The following ADAMTS2 variants were observed in gnomAD, a reference collection of about 807,000 sequenced individuals.
ADAMTS2 encodes A disintegrin and metalloproteinase with thrombospondin motifs 2.
A neutral mutation model predicts 123.0 loss-of-function variants in ADAMTS2; 50 were observed. The ratio of observed to expected loss-of-function variants is 0.41; its 90% confidence interval spans 0.32 to 0.51. The LOEUF (loss-of-function observed/expected upper bound fraction) is 0.51, where lower values mean the gene tolerates loss of function less well. Ranked by LOEUF, ADAMTS2 falls within the 20% of genes least tolerant of loss-of-function variation. The pLI is 0.35. For synonymous variants in ADAMTS2, 678 were observed against 695.4 expected (o/e 0.98, Z 0.39); for missense variants, 1,494 against 1,705.2 (o/e 0.88, Z 2.18).
intron 18 of ADAMTS2, 32 bp downstream of exon 18, chr5:179,125,966 C>T (rs1391494490): frequency 6.2e-7 from 1 of 1,612,872 alleles, no homozygotes. Flanking sequence ...GGCCTGTCTC[C>T]TCTAGTGGGA....
chr5:179,217,430 G>A (rs919443457), intron 3 of ADAMTS2, among the ~76,000 whole-genome samples: 3 of 152,244 alleles, frequency 2.0e-5, no homozygotes, highest in Non-Finnish European at 4.4e-5. Context: ...AGGCTGGGGA[G>A]ATAAATGGCT....
At chr5:179,302,407 A>AT (rs1756553658) in intron 2 of ADAMTS2, among the ~76,000 whole-genome samples, 1 of 137,390 alleles carries the variant, frequency 7.3e-6, no homozygotes, top group African/African-American at 2.7e-5. Flanking sequence ...AAAAAAAAAA[A>AT]GCGGGGGAGT....
At chr5:179,127,812 T>A in intron 17 of ADAMTS2, 147 bp downstream of exon 17, 80 of 812,660 alleles carry the variant, frequency 9.8e-5, no homozygotes, top group Non-Finnish European at 1.2e-4. Flanking sequence ...GGCCCCTCCA[T>A]TGCCGCTAAG....
chr5:179,268,292 G>A (rs760334616), intron 3 of ADAMTS2, among the ~76,000 whole-genome samples: 13 of 152,242 alleles, frequency 8.5e-5, no homozygotes, highest in Non-Finnish European at 1.0e-4. Context: ...TAGTGGAGAT[G>A]TATTCTTGGT....
chr5:179,140,727 C>A (rs535534053), intron 10 of ADAMTS2, among the ~76,000 whole-genome samples: 13 of 150,470 alleles, frequency 8.6e-5, no homozygotes, highest in Admixed American at 2.0e-4. Flanking sequence ...GACCAAACAA[C>A]CAAAAAACAG....
chr5:179,189,525 T>TG lies in ADAMTS2; in HGVS notation c.892-8371_892-8370insC, dbSNP rs1349020727. Among the ~76,000 whole-genome samples the TG allele has an allele frequency of 3.5e-5, 5 of 140,856 alleles. No homozygotes were observed. The highest frequency in any genetic ancestry group is 6.2e-5 in the Non-Finnish European group (4 of 64,818). The allele number at this position is 140,856 out of a possible 152,430, so 92.4% of individuals were successfully genotyped here. A position where few individuals can be genotyped will look rare whatever the true frequency, so the allele number is the denominator to read the frequency against. On this transcript the variant is annotated intron_variant, in intron 4 of 21. Coordinates refer to ENST00000251582, the MANE Select transcript of ADAMTS2 (RefSeq NM_014244.5). This position sits in a 1 kb window ranked among gnomAD's most constrained non-coding sequence, Gnocchi z 4.2. The stretch of plus-strand genomic sequence containing the variant: ...AGTGCGCCTGGTTTTTTTTTTTTTT[T>TG]TTTTTTTTTTTTTAGTAGAGGCAGG...
Position 179,115,152 on chromosome 5 carries a change from G to A in ADAMTS2, c.3179-828C>T, listed in dbSNP as rs1451924736. 6.6e-6 allele frequency among the ~76,000 whole-genome samples: 1 copy of A among 152,032 alleles called. No homozygotes were observed. Among genetic ancestry groups the A allele is most frequent in the Non-Finnish European group, 1.5e-5 (1 of 68,022 alleles). The stretch of plus-strand genomic sequence containing the variant: ...GGTCATCTGTGGTCCAGCTTACATG[G>A]AGAGCCCCGACTCTCCACAGAAGCC... On this transcript the variant is annotated intron_variant, in intron 21 of 21. Transcript: ENST00000251582. The surrounding 1 kb of genome is among the most constrained non-coding windows in gnomAD (Gnocchi z 4.4).
At chr5:179,203,246 G>C (rs188359053) in intron 4 of ADAMTS2, among the ~76,000 whole-genome samples, 1 of 152,216 alleles carries the variant, frequency 6.6e-6, no homozygotes, top group Non-Finnish European at 1.5e-5. Context: ...CCAGGGCACA[G>C]GCTGTGCCAC....
chr5:179,183,264 T>C (rs1426713929), intron 4 of ADAMTS2, among the ~76,000 whole-genome samples: 1 of 152,286 alleles, frequency 6.6e-6, no homozygotes, highest in East Asian at 1.9e-4. Flanking sequence ...TTGTCCACAG[T>C]ATTGCTTTCT....
At chr5:179,168,554 CAGA>C (rs1763755583) in intron 5 of ADAMTS2, among the ~76,000 whole-genome samples, 1 of 152,238 alleles carries the variant, frequency 6.6e-6, no homozygotes, top group African/African-American at 2.4e-5. Flanking sequence ...GTGCCTGTCC[CAGA>C]AGAAGCTCTA....
chr5:179,210,683 G>A (rs1764829010), intron 3 of ADAMTS2, among the ~76,000 whole-genome samples: 1 of 152,216 alleles, frequency 6.6e-6, no homozygotes, highest in African/African-American at 2.4e-5. Flanking sequence ...GGCTGGACAG[G>A]ACAAGGGGAG....
intron 2 of ADAMTS2, among the ~76,000 whole-genome samples, chr5:179,290,666 T>C (rs1756159500): frequency 6.6e-6 from 1 of 152,214 alleles, no homozygotes; most frequent in African/African-American, 2.4e-5. Flanking sequence ...ATTAAAACTT[T>C]AAACACATAA....
chr5:179,265,401 G>A (rs1254294632), intron 3 of ADAMTS2, among the ~76,000 whole-genome samples: 4 of 152,232 alleles, frequency 2.6e-5, no homozygotes, highest in South Asian at 2.1e-4. Flanking sequence ...GAGTTGCTGC[G>A]CACGTGGGGG....
At chr5:179,311,500 C>G (rs1756831591) in intron 2 of ADAMTS2, among the ~76,000 whole-genome samples, 1 of 152,234 alleles carries the variant, frequency 6.6e-6, no homozygotes, top group African/African-American at 2.4e-5. Flanking sequence ...CTTGACCAAA[C>G]TTTAGTCCAG....
Position 179,344,178 on chromosome 5 carries a change from C to A in ADAMTS2, c.140-17G>T, listed in dbSNP as rs776108077. 12 of 1,583,862 alleles carry A rather than the reference C, an allele frequency of 7.6e-6. No individual in the cohort carries two copies. The highest frequency in any genetic ancestry group is 1.1e-5 in the South Asian group (1 of 87,780). ...GGGGCCCGCCTGCAACGGGAAGGGG[C>A]GTTAGATCGGCGGAGACCACGGAGC... On this transcript the variant is annotated splice_polypyrimidine_tract_variant and intron_variant, in intron 1 of 21. Transcript: ENST00000251582.
chr5:179,137,343 G>A (rs1469439132), intron 12 of ADAMTS2, among the ~76,000 whole-genome samples: 2 of 152,234 alleles, frequency 1.3e-5, no homozygotes, highest in African/African-American at 2.4e-5. Context: ...TGCTGAAACC[G>A]GTTGGAGTCA....
At chr5:179,321,895 C>T (rs1468577479) in intron 2 of ADAMTS2, among the ~76,000 whole-genome samples, 1 of 152,140 alleles carries the variant, frequency 6.6e-6, no homozygotes, top group Non-Finnish European at 1.5e-5. Context: ...CTGGAGATCC[C>T]GGCCTCTCCA....
chr5:179,218,846 C>T (rs1250628538), intron 3 of ADAMTS2, among the ~76,000 whole-genome samples: 1 of 152,198 alleles, frequency 6.6e-6, no homozygotes, highest in Non-Finnish European at 1.5e-5. Flanking sequence ...GAAGGCCTCT[C>T]CGGGCCAGTC....
intron 2 of ADAMTS2, among the ~76,000 whole-genome samples, chr5:179,279,279 T>A (rs1264719160): frequency 1.3e-5 from 2 of 152,162 alleles, no homozygotes; most frequent in African/African-American, 4.8e-5. Context: ...GGACCCAGAC[T>A]TTGCCAAGGG....
Sources: gnomAD v4.1 joint callset for allele counts (sites outside exome capture counted in the v4.1 genomes callset) on GRCh38, gnomAD v4.1.1 for gene constraint, Gnocchi (gnomAD v3.1) non-coding constraint, MANE v1.5 for transcripts, NCBI Gene and HGNC (gene_info 2026-07-23, HGNC 2026-07-21) for gene names.